Variants in MYO5C observed in about 807,000 individuals in gnomAD.
The protein encoded by MYO5C is myosin VC.
In MYO5C, 194 loss-of-function variants were observed where a neutral mutation model predicts 235.7. The observed-to-expected ratio is 0.82, with a 90% CI of 0.73 to 0.93. MYO5C has a LOEUF of 0.93. MYO5C is among the 40% of genes least tolerant of loss of function. MYO5C has a pLI of 0.00. For missense variants in MYO5C, 2,038 were observed against 2,127.2 expected, an observed-to-expected ratio of 0.96 and a Z score of 0.82; for synonymous variants, 707 against 754.8, an observed-to-expected ratio of 0.94 and a Z score of 1.04.
At chr15:52,221,758 C>G (rs968711041) in intron 29 of MYO5C, among the ~76,000 whole-genome samples, 2 of 152,204 alleles carry the variant, frequency 1.3e-5, no homozygotes, top group African/African-American at 4.8e-5. Flanking sequence ...CCTCCACCCC[C>G]AGTTAGGTTA....
At chr15:52,231,635 C>T (rs1214183705) in intron 24 of MYO5C, among the ~76,000 whole-genome samples, 1 of 152,172 alleles carries the variant, frequency 6.6e-6, no homozygotes, top group Non-Finnish European at 1.5e-5. Flanking sequence ...TCTTTAGAAT[C>T]CTGCTTCCTC....
chr15:52,201,106 G>A (rs1254393694), intron 38 of MYO5C, among the ~76,000 whole-genome samples: 1 of 152,184 alleles, frequency 6.6e-6, no homozygotes, highest in East Asian at 1.9e-4. Flanking sequence ...AAGACAAAGA[G>A]TATGATGCAG....
rs2036066506 is a variant in MYO5C at position 52,235,716 on chromosome 15, T to C, written c.2916A>G (p.Lys972=). Residue 972 remains lysine, a synonymous_variant, in exon 23 of 41, where the codon AAA becomes AAG. Coordinates refer to ENST00000261839, the MANE Select transcript of MYO5C (RefSeq NM_018728.4). ...CTTGAAGCTTCAGCTGTATTTGTTCTTTCTGTGTTTCCAGTTCTGAATTAT... is the reference window on the plus strand; with the variant it reads ...CTTGAAGCTTCAGCTGTATTTGTTCCTTCTGTGTTTCCAGTTCTGAATTAT... ...QKHNSELETQ[K]EQIQLKLQEK... 2 of 1,612,680 alleles carry C rather than the reference T, an allele frequency of 1.2e-6. No homozygotes were observed. Among genetic ancestry groups the C allele is most frequent in the Non-Finnish European group, 1.7e-6 (2 of 1,179,314 alleles).
At chr15:52,211,012 T>C (rs2141273904) in intron 35 of MYO5C, among the ~76,000 whole-genome samples, 1 of 152,346 alleles carries the variant, frequency 6.6e-6, no homozygotes, top group South Asian at 2.1e-4. Flanking sequence ...TGTCCTATGG[T>C]AGGTTCCCTC....
At position 52,237,204 on chromosome 15, in the gene MYO5C, C is replaced by T. The variant is rs542948352; in HGVS notation, c.2868+278G>A. ...GTCATCCTGGAAGAAAGGGAGGCAG[C>T]CAGCCAGGGCTCTTTGGGCCTGTCA... On this transcript the variant is annotated intron_variant, in intron 22 of 40. Transcript: ENST00000261839. 82 of 269,256 alleles carry T rather than the reference C, an allele frequency of 3.0e-4. 1 individual carries two copies. The South Asian group carries it at 4.5e-3, about 15-fold the overall frequency. The allele number at this position is 269,256 out of a possible 1,614,324, so 16.7% of individuals were successfully genotyped here.
chr15:52,241,792 C>G (rs2036230085), intron 20 of MYO5C, among the ~76,000 whole-genome samples: 1 of 151,990 alleles, frequency 6.6e-6, no homozygotes, highest in Admixed American at 6.6e-5. Context: ...CCCACGCAGG[C>G]TGGAGTGTAC....
At chr15:52,292,391 T>C (rs1259264469) in intron 1 of MYO5C, among the ~76,000 whole-genome samples, 1 of 152,172 alleles carries the variant, frequency 6.6e-6, no homozygotes, top group Non-Finnish European at 1.5e-5. Flanking sequence ...TGAGAGACAC[T>C]AAGAACATAG....
chr15:52,248,826 A>C, intron 13 of MYO5C, 43 bp from the exon 14 acceptor site: 1 of 1,311,632 alleles, frequency 7.6e-7, no homozygotes, highest in Non-Finnish European at 1.1e-6. Context: ...GAGGCCAAAG[A>C]ATATAGCCTC....
In MYO5C at chr15:52,197,805, T is replaced by C. The variant is rs537366385; in HGVS notation, c.4821-1322A>G. 4.6e-5 allele frequency among the ~76,000 whole-genome samples: 7 copies of C among 151,958 alleles called. No individual in the cohort carries two copies. The East Asian group carries it at 1.4e-3, about 30-fold the overall frequency. On this transcript the variant is annotated intron_variant, in intron 38 of 40. Transcript: ENST00000261839. ...CGCCTGCCACTACACCCGGCTAATT[T>C]TTGTATTTTTAGTAGAGACAGGGTT...
chr15:52,285,876 C>T (rs190888695), intron 1 of MYO5C, among the ~76,000 whole-genome samples: 4,262 of 152,338 alleles, frequency 0.028, 84 homozygotes, highest in Middle Eastern at 0.048. Context: ...ATTGCAGCCT[C>T]TGCCCGGCCG....
chr15:52,256,620 A>G lies in MYO5C; in HGVS notation c.1395+19T>C, dbSNP rs1273583349. 1.3e-6 allele frequency: 2 copies of G among 1,555,202 alleles called. No individual in the cohort carries two copies. Among genetic ancestry groups the G allele is most frequent in the East Asian group, 2.6e-5 (1 of 37,788 alleles). On this transcript the variant is annotated intron_variant, in intron 11 of 40. Coordinates refer to ENST00000261839, the MANE Select transcript of MYO5C (RefSeq NM_018728.4). ...GCGCGCGGCTGAGAACTAGTCAAGA[A>G]GGCAGAAAGGTCACCTACCATGTTA...
intron 8 of MYO5C, among the ~76,000 whole-genome samples, chr15:52,266,380 T>C (rs545333730): frequency 6.6e-6 from 1 of 152,242 alleles, no homozygotes; most frequent in Admixed American, 6.5e-5. Context: ...CAGGGGTCAG[T>C]GGATGAATCA....
rs2037228958 is a variant in MYO5C at position 52,284,857 on chromosome 15, A to G, written c.28-1965T>C. On this transcript the variant is annotated intron_variant, in intron 1 of 40. Transcript: ENST00000261839. The stretch of plus-strand genomic sequence containing the variant: ...TTTCTTTCTTTTTTTTTTTTTTTTA[A>G]GAGACAGGATCTAGTTTTGTGGCCC... Among the ~76,000 whole-genome samples, 3 of 145,914 alleles carry G rather than the reference A, an allele frequency of 2.1e-5. No homozygotes were observed. In the South Asian group the frequency reaches 6.5e-4, roughly 31 times the overall value.
chr15:52,291,732 T>TTTTTTTTTG (rs2037393770), intron 1 of MYO5C, among the ~76,000 whole-genome samples: 1 of 25,980 alleles, frequency 3.8e-5, no homozygotes, highest in Non-Finnish European at 9.7e-5. Context: ...ATATTTTATG[T>TTTTTTTTTG]TTTTTTTTTT....
At chr15:52,203,533 A>G (rs1271409751) in intron 38 of MYO5C, among the ~76,000 whole-genome samples, 1 of 151,672 alleles carries the variant, frequency 6.6e-6, no homozygotes, top group East Asian at 2.0e-4. Flanking sequence ...TTTAGTAAAG[A>G]CAGGGTTTTG....
At chr15:52,215,775 T>C (rs1214468890) in intron 32 of MYO5C, among the ~76,000 whole-genome samples, 1 of 152,218 alleles carries the variant, frequency 6.6e-6, no homozygotes, top group Non-Finnish European at 1.5e-5. Context: ...ATTGGGATCA[T>C]ATTACATGCA....
intron 10 of MYO5C, 67 bp downstream of exon 10, chr15:52,260,795 G>T (rs1477077048): frequency 1.3e-6 from 2 of 1,524,938 alleles, no homozygotes; most frequent in Non-Finnish European, 1.8e-6. Context: ...AGAACAAAAT[G>T]ATCTAAAAAC....
Position 52,224,941 on chromosome 15 carries a change from C to G in MYO5C, c.3406G>C (p.Glu1136Gln). The G allele has an allele frequency of 6.2e-7, 1 of 1,613,970 alleles. No homozygotes were observed. Among genetic ancestry groups the G allele is most frequent in the Non-Finnish European group, 8.5e-7 (1 of 1,179,942 alleles). ...EDLEHLNEDGELWFAYEGLKK... is the reference protein window; with the variant it reads ...EDLEHLNEDGQLWFAYEGLKK... Reference sequence around the variant, plus strand: ...AGTCCTTCATAAGCAAACCAAAGTTCTCCATCCTCATTTAAATGTTCCAGA... The same window carrying G: ...AGTCCTTCATAAGCAAACCAAAGTTGTCCATCCTCATTTAAATGTTCCAGA... The change falls in exon 28 of 41, where the codon GAA (glutamate) becomes CAA (glutamine). Residue 1136 changes from glutamate (E) to glutamine (Q), a missense_variant. Physicochemically the swap from Glu to Gln is conservative, Grantham distance 29. Coordinates refer to ENST00000261839, the MANE Select transcript of MYO5C (RefSeq NM_018728.4).
chr15:52,291,086 T>C (rs1320338689), intron 1 of MYO5C, among the ~76,000 whole-genome samples: 4 of 152,186 alleles, frequency 2.6e-5, no homozygotes, highest in African/African-American at 9.7e-5. Context: ...CAGGACTTGA[T>C]TTGACCCACC....
Sources: gnomAD v4.1 joint callset for allele counts (sites outside exome capture counted in the v4.1 genomes callset) on GRCh38, gnomAD v4.1.1 for gene constraint, MANE v1.5 for transcripts, NCBI Gene and HGNC (gene_info 2026-07-23, HGNC 2026-07-21) for gene names.